The following PLEC variants were observed in gnomAD, a reference collection of about 807,000 sequenced individuals.
PLEC encodes the protein hemidesmosomal protein 1.
PLEC carries 216 observed loss-of-function variants against 392.8 expected under a neutral mutation model. The observed-to-expected ratio is 0.55, with a 90% CI of 0.49 to 0.62. The LOEUF (loss-of-function observed/expected upper bound fraction) is 0.62. Ranked by LOEUF, PLEC falls within the 20% of genes least tolerant of loss-of-function variation. The pLI is 0.00. For synonymous variants in PLEC, 3,621 were observed against 2,980.6 expected, an observed-to-expected ratio of 1.21 and a Z score of -7.00; for missense variants, 6,863 against 6,563.4, an observed-to-expected ratio of 1.05 and a Z score of -1.58.
intron 1 of PLEC, among the ~76,000 whole-genome samples, chr8:143,948,317 C>G (rs1273066260): frequency 2.0e-5 from 3 of 152,262 alleles, no homozygotes; most frequent in Non-Finnish European, 4.4e-5. Flanking sequence ...CACGGAGCGG[C>G]TGTGCAGTGG....
Position 143,927,313 on chromosome 8 carries a change from C to T in PLEC, c.3779G>A (p.Arg1260His), listed in dbSNP as rs782464700. The T allele has an allele frequency of 1.7e-5, 28 of 1,613,038 alleles. No homozygotes were observed. Among genetic ancestry groups the T allele is most frequent in the South Asian group, 6.6e-5 (6 of 91,094 alleles). Reference sequence around the variant, plus strand: ...GCACTCCTCGACCTTCTCGCCGTGGCGCTCGATCTCCTCCAGCAGGGCCTG... The same window carrying T: ...GCACTCCTCGACCTTCTCGCCGTGGTGCTCGATCTCCTCCAGCAGGGCCTG... The part of the protein sequence containing the change: ...QEQALLEEIE[R>H]HGEKVEECQR... Residue 1260 changes from arginine (R) to histidine (H), a missense_variant, in exon 28 of 32, where the codon CGC becomes CAC. By Grantham distance (29) the Arg-to-His change is conservative. Transcript: ENST00000345136.
upstream of PLEC, chr8:143,958,732 G>C (rs1432306394): frequency 1.6e-5 from 7 of 434,174 alleles, no homozygotes; most frequent in Non-Finnish European, 2.9e-5. The surrounding 1 kb of genome is among the most constrained non-coding windows in gnomAD (Gnocchi z 4.9). Context: ...CCAGGCCTCT[G>C]TGGAGAGGCT....
At chr8:143,974,533 C>T (rs546766285), upstream of PLEC, among the ~76,000 whole-genome samples, 6 of 152,362 alleles carry the variant, frequency 3.9e-5, no homozygotes, top group African/African-American at 1.4e-4. This position sits in a 1 kb window ranked among gnomAD's most constrained non-coding sequence, Gnocchi z 5.9. Context: ...CTGCAACATC[C>T]CCCCAGGGCT....
Position 143,924,811 on chromosome 8 carries a change from C to T in PLEC, c.5118G>A (p.Gln1706=). 1 of 1,540,004 alleles carries T rather than the reference C, an allele frequency of 6.5e-7. No homozygotes were observed. The highest frequency in any genetic ancestry group is 8.7e-7 in the Non-Finnish European group (1 of 1,149,500). Residue 1706 remains glutamine (Q), a synonymous_variant, in exon 31 of 32, where the codon CAG becomes CAA. Coordinates refer to ENST00000345136, the MANE Select transcript of PLEC (RefSeq NM_201384.3). ...KQRQLAEGTA[Q]QRLAAEQELI... is the part of the protein sequence containing the mutation. ...ACTCCTGCTCCGCGGCCAGGCGCTG[C>T]TGCGCGGTGCCTTCCGCCAGCTGCC... is the stretch of plus-strand genomic sequence containing the variant.
Position 143,932,431 on chromosome 8 carries a change from G to A in PLEC, c.1946C>T (p.Thr649Ile). 3 of 1,612,862 alleles carry A rather than the reference G, an allele frequency of 1.9e-6. No individual in the cohort carries two copies. The South Asian group carries it at 3.3e-5, about 18-fold the overall frequency. ...GCTCTCCTTCTTGGCGGTCATGTTGGTGTTGCGGTCGCTCCAGTCGAAGCC... is the reference window on the plus strand; with the variant it reads ...GCTCTCCTTCTTGGCGGTCATGTTGATGTTGCGGTCGCTCCAGTCGAAGCC... ...EVGFDWSDRN[T>I]NMTAKKESYS... Residue 649 changes from threonine (T) to isoleucine (I), a missense_variant, in exon 16 of 32, where the codon ACC becomes ATC. Physicochemically the swap from Thr to Ile is moderately conservative, Grantham distance 89 (BLOSUM62 -1). Coordinates refer to ENST00000345136, the MANE Select transcript of PLEC (RefSeq NM_201384.3).
In PLEC at chr8:143,933,095, C is replaced by T. The variant is rs1554718915; in HGVS notation, c.1435G>A (p.Glu479Lys). The T allele has an allele frequency of 1.3e-6, 2 of 1,591,048 alleles. No homozygotes were observed. The highest frequency in any genetic ancestry group is 4.5e-5 in the East Asian group (2 of 44,054). ...TCGGTGCGGATGGCTACCAGGCGCT[C>T]GTGCAGACGGTACACCCTGGGGCAG... ...QMYRRVYRLH[E>K]RLVAIRTEYN... The change falls in exon 14 of 32, where the codon GAG (glutamate) becomes AAG (lysine). Residue 479 changes from glutamate to lysine, a missense_variant. By Grantham distance (56) the Glu-to-Lys change is moderately conservative. Transcript: ENST00000345136.
chr8:143,919,558 C>G lies in PLEC; in HGVS notation c.10263G>C (p.Glu3421Asp). The change falls in exon 32 of 32, where the codon GAG becomes GAC. Residue 3421 changes from glutamate to aspartate, a missense_variant. Physicochemically the swap from Glu to Asp is conservative, Grantham distance 45. Coordinates refer to ENST00000345136, the MANE Select transcript of PLEC (RefSeq NM_201384.3). ...CGGCAGACAGCAGCTGCTCGTGAAGCTCGGGGCCCACCACGCCCGCCTTCA... is the reference window on the plus strand; with the variant it reads ...CGGCAGACAGCAGCTGCTCGTGAAGGTCGGGGCCCACCACGCCCGCCTTCA... ...EAVKAGVVGPELHEQLLSAEK... is the reference protein window; with the variant it reads ...EAVKAGVVGPDLHEQLLSAEK... 6.2e-7 allele frequency: 1 copy of G among 1,608,246 alleles called. No homozygotes were observed. The highest frequency in any genetic ancestry group is 8.5e-7 in the Non-Finnish European group (1 of 1,178,536).
At position 143,934,039 on chromosome 8, in the gene PLEC, A is replaced by G; in HGVS notation, c.1222T>C (p.Cys408Arg). ...VTKLQMEAGL[C>R]EEQLNQADAL... ...TCGGCCTGGTTCAGCTGCTCCTCAC[A>G]CAGCCCCGCCTCCATCTGCAGCTTG... The change falls in exon 12 of 32, where the codon TGT becomes CGT. Residue 408 changes from cysteine to arginine, a missense_variant. By Grantham distance (180) the Cys-to-Arg change is radical (BLOSUM62 -3). Coordinates refer to ENST00000345136, the MANE Select transcript of PLEC (RefSeq NM_201384.3). The G allele has an allele frequency of 1.9e-6, 3 of 1,611,204 alleles. No individual in the cohort carries two copies. The highest frequency in any genetic ancestry group is 2.5e-6 in the Non-Finnish European group (3 of 1,179,302).
At chr8:143,929,060 C>G (rs553986502) in intron 25 of PLEC, 43 bp downstream of exon 25, 1 of 1,535,756 alleles carries the variant, frequency 6.5e-7, no homozygotes, top group Non-Finnish European at 8.8e-7. Flanking sequence ...CCCAGCACCC[C>G]CCAGCCGACC....
rs782427593 is a variant in PLEC at position 143,916,566 on chromosome 8, C to G, written c.13255G>C (p.Ala4419Pro). Residue 4419 changes from alanine to proline, a missense_variant, in exon 32 of 32, where the codon GCC becomes CCC. Transcript: ENST00000345136. ...DEALQRGTVDARTAQKLRDVG... is the reference protein window; with the variant it reads ...DEALQRGTVDPRTAQKLRDVG... ...TCACGCAGCTTCTGTGCGGTGCGGG[C>G]GTCCACCGTGCCGCGCTGCAGGGCC... 1 of 1,611,608 alleles carries G rather than the reference C, an allele frequency of 6.2e-7. No homozygotes were observed. The highest frequency in any genetic ancestry group is 2.2e-5 in the East Asian group (1 of 44,834).
rs1254802783 is a variant in PLEC, at chr8:143,945,941, A to G, written c.523+4243T>C. Among the ~76,000 whole-genome samples the G allele has an allele frequency of 3.9e-5, 6 of 152,254 alleles. No homozygotes were observed. In the East Asian group the frequency reaches 9.6e-4, roughly 24 times the overall value. On this transcript the variant is annotated intron_variant, in intron 1 of 31. Coordinates refer to the PLEC transcript ENST00000322810. ...GCAGCCCTGAGGGTCAGGGATACCC[A>G]GGCATGCCAGAAAGGGCCCAACTCC...
At chr8:143,947,565 C>T (rs1251634844) in intron 1 of PLEC, among the ~76,000 whole-genome samples, 4 of 151,452 alleles carry the variant, frequency 2.6e-5, no homozygotes, top group Admixed American at 2.6e-4. Flanking sequence ...GCCAACATGG[C>T]GAAACCCCGT....
At position 143,934,516 on chromosome 8, in the gene PLEC, C is replaced by T. The variant is rs182987651; in HGVS notation, c.1042-71G>A. 9.5e-4 allele frequency: 1,523 copies of T among 1,603,586 alleles called. 5 individuals are homozygous for T. In the African/African-American group the frequency reaches 0.017, roughly 18 times the overall value. On this transcript the variant is annotated intron_variant, in intron 10 of 31. Coordinates refer to ENST00000345136, the MANE Select transcript of PLEC (RefSeq NM_201384.3). ...GGTGGGGCGCTGGGCCTTCAGACCC[C>T]AGCCCACCAGACCTGGGACAGCCCT...
rs942183218 is a variant in PLEC at position 143,933,838 on chromosome 8, G to A, written c.1263+160C>T. On this transcript the variant is annotated intron_variant, in intron 12 of 31. Coordinates refer to ENST00000345136, the MANE Select transcript of PLEC (RefSeq NM_201384.3). The stretch of plus-strand genomic sequence containing the variant: ...TGAGAGTTAGCTGCACACGAGGAGG[G>A]AGGAGCTCAGGCCTGGATTCCCCAC... 2.8e-4 allele frequency among the ~76,000 whole-genome samples: 42 copies of A among 152,220 alleles called. 1 individual carries two copies. Among genetic ancestry groups the A allele is most frequent in the African/African-American group, 8.2e-4 (34 of 41,448 alleles).
chr8:143,947,454 A>G (rs782566162), intron 1 of PLEC, among the ~76,000 whole-genome samples: 9 of 152,196 alleles, frequency 5.9e-5, no homozygotes, highest in Non-Finnish European at 1.2e-4. Context: ...AAGCATCGCC[A>G]TTTGCAATGT....
In PLEC at chr8:143,928,693, G is replaced by C. The variant is rs186128089; in HGVS notation, c.3260+410C>G. Reference sequence around the variant, plus strand: ...GGGTGGACCTGTGGTTTGCAACACAGGAAGAGACTATGACATAACACATTG... The same window carrying C: ...GGGTGGACCTGTGGTTTGCAACACACGAAGAGACTATGACATAACACATTG... On this transcript the variant is annotated intron_variant, in intron 25 of 31. Coordinates refer to ENST00000345136, the MANE Select transcript of PLEC (RefSeq NM_201384.3). Among the ~76,000 whole-genome samples the C allele has an allele frequency of 8.3e-4, 127 of 152,272 alleles. 1 individual carries two copies. In the Middle Eastern group the frequency reaches 0.01, roughly 12 times the overall value.
chr8:143,926,581 T>C (rs1301876271), intron 30 of PLEC, among the ~76,000 whole-genome samples: 1 of 152,016 alleles, frequency 6.6e-6, no homozygotes, highest in African/African-American at 2.4e-5. Flanking sequence ...GGGAGCAGTG[T>C]AGCCACACCA....
rs1430989236 is a variant in PLEC, at chr8:143,933,324, C to T, written c.1291G>A (p.Val431Met). Residue 431 changes from valine (V) to methionine (M), a missense_variant, in exon 13 of 32, where the codon GTG (valine) becomes ATG (methionine). Physicochemically the swap from Val to Met is conservative, Grantham distance 21. Transcript: ENST00000345136. Reference sequence around the variant, plus strand: ...TCCACCTCCCCCGCCCGCTGTGGCACTTTGCCTGCAGCCAGCAGCCGGACA... The same window carrying T: ...TCCACCTCCCCCGCCCGCTGTGGCATTTTGCCTGCAGCCAGCAGCCGGACA... ...SDVRLLAAGKVPQRAGEVERD... is the reference protein window; with the variant it reads ...SDVRLLAAGKMPQRAGEVERD... The T allele has an allele frequency of 3.7e-6, 6 of 1,612,398 alleles. No individual in the cohort carries two copies. The highest frequency in any genetic ancestry group is 3.3e-5 in the Admixed American group (2 of 60,006).
chr8:143,926,969 C>G lies in PLEC; in HGVS notation c.3945+8G>C, dbSNP rs782786031. On this transcript the variant is annotated splice_region_variant and intron_variant, in intron 29 of 31. Coordinates refer to ENST00000345136, the MANE Select transcript of PLEC (RefSeq NM_201384.3). Reference sequence around the variant, plus strand: ...CCCCTCACCCAGTTAGGTTCGGCCCCACCCTACCTCCTGGATGACACTCTC... The same window carrying G: ...CCCCTCACCCAGTTAGGTTCGGCCCGACCCTACCTCCTGGATGACACTCTC... The G allele has an allele frequency of 6.2e-7, 1 of 1,611,488 alleles. No individual in the cohort carries two copies. The highest frequency in any genetic ancestry group is 1.3e-5 in the African/African-American group (1 of 74,894).
Sources: gnomAD v4.1 joint callset for allele counts (sites outside exome capture counted in the v4.1 genomes callset) on GRCh38, gnomAD v4.1.1 for gene constraint, Gnocchi (gnomAD v3.1) non-coding constraint, MANE v1.5 for transcripts, NCBI Gene and HGNC (gene_info 2026-07-23, HGNC 2026-07-21) for gene names.